The following ZNF530 variants were observed in gnomAD, a reference collection of about 807,000 sequenced individuals.
ZNF530 encodes the protein zinc finger protein 530.
ZNF530 carries 5 observed loss-of-function variants against 2.8 expected under a neutral mutation model. The ratio of observed to expected loss-of-function variants is 1.80; its 90% CI spans 0.94 to 3.78. The LOEUF is 3.78. Among genes scored for constraint, ZNF530 ranks in the 30% most tolerant of loss-of-function variants. The probability of loss-of-function intolerance (pLI) is 0.00; values close to 1 mark genes in which losing one functional copy is unlikely to be tolerated. For synonymous variants in ZNF530, 229 were observed against 235.0 expected (o/e 0.97, Z 0.23); for missense variants, 619 against 673.3 (o/e 0.92, Z 0.89).
At chr19:57,603,386 G>A (rs962975495) in intron 2 of ZNF530, among the ~76,000 whole-genome samples, 3 of 152,216 alleles carry the variant, frequency 2.0e-5, no homozygotes, top group Non-Finnish European at 4.4e-5. Context: ...CAGACAAGAT[G>A]AGGCTGAAGC....
intron 1 of ZNF530, 28 bp downstream of exon 1, chr19:57,600,162 C>A (rs1225074662): frequency 6.4e-7 from 1 of 1,558,912 alleles, no homozygotes; most frequent in Non-Finnish European, 8.7e-7. Context: ...CCGGCCTCCT[C>A]TGCCCTCCCC....
rs745580034 is a variant in ZNF530 at position 57,606,780 on chromosome 19, A to G, written c.1156A>G (p.Lys386Glu). ...TGAATGTGGGAAATCATTTGGCCAGAAATCTGTCCTCATTCAACACCAAAG... is the reference window on the plus strand; with the variant it reads ...TGAATGTGGGAAATCATTTGGCCAGGAATCTGTCCTCATTCAACACCAAAG... ...CSECGKSFGQKSVLIQHQRVH... is the reference protein window; with the variant it reads ...CSECGKSFGQESVLIQHQRVH... The change falls in exon 4 of 4, where the codon AAA (lysine) becomes GAA (glutamate). Residue 386 changes from lysine to glutamate, a missense_variant. Coordinates refer to ENST00000597700, the MANE Select transcript of ZNF530 (RefSeq NM_001321981.2). The G allele has an allele frequency of 3.7e-6, 6 of 1,612,638 alleles. No individual in the cohort carries two copies. The highest frequency in any genetic ancestry group is 1.7e-5 in the Admixed American group (1 of 59,874).
rs772835049 is a variant in ZNF530, at chr19:57,606,604, T to G, written c.980T>G (p.Phe327Cys). The G allele has an allele frequency of 3.7e-6, 6 of 1,614,094 alleles. No individual in the cohort carries two copies. In the South Asian group the frequency reaches 6.6e-5, roughly 18 times the overall value. The change falls in exon 4 of 4, where the codon TTT becomes TGT. Residue 327 changes from phenylalanine to cysteine, a missense_variant. Transcript: ENST00000597700. The stretch of plus-strand genomic sequence containing the variant: ...GAGTGCAGTGAATGTGGAAAATCCT[T>G]TAGCCATAGCACTAACCTCTTTCGA... ...PYECSECGKSFSHSTNLFRHW... is the reference protein window; with the variant it reads ...PYECSECGKSCSHSTNLFRHW...
downstream of ZNF530, among the ~76,000 whole-genome samples, chr19:57,611,894 C>T (rs536778468): frequency 1.3e-5 from 2 of 152,270 alleles, no homozygotes; most frequent in African/African-American, 4.8e-5. Flanking sequence ...CCTACTCTAA[C>T]ACCAGGGTGA....
At chr19:57,604,016 G>C (rs776362298) in intron 2 of ZNF530, among the ~76,000 whole-genome samples, 8 of 152,160 alleles carry the variant, frequency 5.3e-5, no homozygotes, top group Non-Finnish European at 7.3e-5. Flanking sequence ...GTTGTGTTTG[G>C]GAGCCATGGT....
chr19:57,604,499 G>A lies in ZNF530; in HGVS notation c.61+93G>A, dbSNP rs879881663. On this transcript the variant is annotated intron_variant, in intron 3 of 3. Transcript: ENST00000597700. ...TCTGTCCTTTCTTCAGTTAGACCCT[G>A]AGCTCTACAGACCTTCCCACTTTCT... 3.1e-5 allele frequency: 47 copies of A among 1,500,120 alleles called. No individual in the cohort carries two copies. In the Admixed American group the frequency reaches 9.0e-4, roughly 29 times the overall value. The allele number at this position is 1,500,120 out of a possible 1,614,324, so 92.9% of individuals were successfully genotyped here.
In ZNF530 at chr19:57,609,373, C is replaced by G. The variant is rs113688440; in HGVS notation, c.*2048C>G. The stretch of plus-strand genomic sequence containing the variant: ...GGCGTGGTGGCTCACGCCTGTAATC[C>G]CAGCACTTTAGGAGGCCGAGGTGGG... On this transcript the variant is annotated 3_prime_UTR_variant, in exon 4 of 4. Transcript: ENST00000597700. Among the ~76,000 whole-genome samples the G allele has an allele frequency of 2.7e-3, 416 of 152,184 alleles. 4 individuals are homozygous for G. Among genetic ancestry groups the G allele is most frequent in the African/African-American group, 9.5e-3 (396 of 41,536 alleles).
chr19:57,601,864 C>G (rs1695940810), intron 2 of ZNF530, among the ~76,000 whole-genome samples: 1 of 152,152 alleles, frequency 6.6e-6, no homozygotes, highest in Non-Finnish European at 1.5e-5. Context: ...GAGGGAGGCA[C>G]CAGTCTCTTT....
At position 57,605,654 on chromosome 19, in the gene ZNF530, T is replaced by C. The variant is rs9676252; in HGVS notation, c.62-32T>C. On this transcript the variant is annotated intron_variant, in intron 3 of 3. Transcript: ENST00000597700. ...ATGTAACTTCTCACACCATAGTAAA[T>C]CTGTGTTTTCTCAGCATTTCTCTTC... The C allele has an allele frequency of 1.7e-3, 2,706 of 1,555,620 alleles. 33 individuals carry two copies. The African/African-American group carries it at 0.032, about 18-fold the overall frequency.
rs964959547 is a variant in ZNF530 at position 57,608,702 on chromosome 19, G to A, written c.*1377G>A. ...AGTGTCCCTAGCTATAAAACCATGG[G>A]GCTGGAGCGAAACATAATTGGTAAA... On this transcript the variant is annotated 3_prime_UTR_variant, in exon 4 of 4. Coordinates refer to ENST00000597700, the MANE Select transcript of ZNF530 (RefSeq NM_001321981.2). The A allele has an allele frequency of 6.6e-6, 1 of 152,138 alleles. No individual in the cohort carries two copies. Among genetic ancestry groups the A allele is most frequent in the Non-Finnish European group, 1.5e-5 (1 of 68,034 alleles). 9.4% of individuals were successfully genotyped at this position (152,138 alleles called of 1,614,324 possible).
At chr19:57,602,879 CTT>C (rs1011001714) in intron 2 of ZNF530, among the ~76,000 whole-genome samples, 1 of 152,094 alleles carries the variant, frequency 6.6e-6, no homozygotes, top group Non-Finnish European at 1.5e-5. Flanking sequence ...GGGAACTCCT[CTT>C]TTTAAAACCA....
intron 2 of ZNF530, 70 bp from the exon 3 acceptor site, chr19:57,604,207 G>A: frequency 6.2e-7 from 1 of 1,607,306 alleles, no homozygotes; most frequent in Non-Finnish European, 8.5e-7. Flanking sequence ...GCCAGGGATG[G>A]ATGTTTGGGG....
Position 57,599,942 on chromosome 19 carries a change from GGGTGCCGGATCTGGACCTA to G in ZNF530, c.-308_-290del. On this transcript the variant is annotated 5_prime_UTR_variant, in exon 1 of 4. Coordinates refer to ENST00000597700, the MANE Select transcript of ZNF530 (RefSeq NM_001321981.2). ...TTTGGCTTGTGTCAGTTCCATCCGC[GGGTGCCGGATCTGGACCTA>G]GGTGCTGACAGCGAGAAGGCGCGAG... 1 of 727,166 alleles carries G rather than the reference GGGTGCCGGATCTGGACCTA, an allele frequency of 1.4e-6. No homozygotes were observed. The highest frequency in any genetic ancestry group is 2.1e-6 in the Non-Finnish European group (1 of 473,996). 45.0% of individuals were successfully genotyped at this position (727,166 alleles called of 1,614,324 possible).
intron 2 of ZNF530, 118 bp from the exon 3 acceptor site, chr19:57,604,158 GT>G: frequency 7.0e-7 from 1 of 1,436,814 alleles, no homozygotes; most frequent in Non-Finnish European, 9.6e-7. Flanking sequence ...ATCAGGGCCT[GT>G]TGTATTCGCT....
chr19:57,602,020 G>C (rs1202912099), intron 2 of ZNF530, among the ~76,000 whole-genome samples: 1 of 152,144 alleles, frequency 6.6e-6, no homozygotes, highest in Non-Finnish European at 1.5e-5. Flanking sequence ...ATTTGAAGGG[G>C]ACAAATATCC....
At chr19:57,604,007 T>A (rs2123458029) in intron 2 of ZNF530, among the ~76,000 whole-genome samples, 2 of 152,094 alleles carry the variant, frequency 1.3e-5, no homozygotes, top group Non-Finnish European at 2.9e-5. Flanking sequence ...AGACCTTCAG[T>A]TGTGTTTGGG....
chr19:57,602,094 C>G (rs1436085886), intron 2 of ZNF530, among the ~76,000 whole-genome samples: 1 of 152,080 alleles, frequency 6.6e-6, no homozygotes, highest in Non-Finnish European at 1.5e-5. Context: ...GCTTAAACAA[C>G]AAAAATTTGT....
intron 2 of ZNF530, among the ~76,000 whole-genome samples, chr19:57,603,116 C>G (rs1037339007): frequency 6.6e-6 from 1 of 152,224 alleles, no homozygotes; most frequent in Non-Finnish European, 1.5e-5. Flanking sequence ...GTCTCAAGCT[C>G]CTGATCAAGT....
In ZNF530 at chr19:57,609,296, A is replaced by C. The variant is rs1403486784; in HGVS notation, c.*1971A>C. On this transcript the variant is annotated 3_prime_UTR_variant, in exon 4 of 4. Coordinates refer to ENST00000597700, the MANE Select transcript of ZNF530 (RefSeq NM_001321981.2). ...CAGTGAGCTGAGACCACACCACTGC[A>C]CTCCAGCCCGGGTGATGGAGTGAGA... Among the ~76,000 whole-genome samples the C allele has an allele frequency of 6.6e-6, 1 of 151,008 alleles. No homozygotes were observed. The highest frequency in any genetic ancestry group is 1.5e-5 in the Non-Finnish European group (1 of 67,788).
Sources: gnomAD v4.1 joint callset for allele counts (sites outside exome capture counted in the v4.1 genomes callset) on GRCh38, gnomAD v4.1.1 for gene constraint, MANE v1.5 for transcripts, NCBI Gene and HGNC (gene_info 2026-07-23, HGNC 2026-07-21) for gene names.